Variants in CXADR observed in about 807,000 individuals in gnomAD.
CXADR encodes the protein coxsackievirus and adenovirus receptor.
A neutral mutation model predicts 40.3 loss-of-function variants in CXADR; 20 were observed. That is an observed-to-expected ratio of 0.50 (90% confidence interval 0.35 to 0.72). The LOEUF (loss-of-function observed/expected upper bound fraction) is 0.72. Among genes scored for constraint, CXADR ranks in the 30% least tolerant of loss-of-function variants. CXADR has a pLI of 0.01. For synonymous variants in CXADR, 150 were observed against 161.3 expected (o/e 0.93, Z 0.53); for missense variants, 332 against 449.1 (o/e 0.74, Z 2.36).
At chr21:17,570,107 CCT>C (rs1410215434), downstream of CXADR, 33 of 985,240 alleles carry the variant, frequency 3.3e-5, no homozygotes, top group Non-Finnish European at 3.5e-5. Flanking sequence ...CAGTTCTCTG[CCT>C]CATGGTGTGG....
intron 7 of CXADR, among the ~76,000 whole-genome samples, chr21:17,586,513 T>G (rs1376348960): frequency 6.6e-6 from 1 of 150,734 alleles, no homozygotes; most frequent in Non-Finnish European, 1.5e-5. Flanking sequence ...GTTGCCTAAG[T>G]TGGTCTCAAA....
the CXADR span, among the ~76,000 whole-genome samples, chr21:17,632,259 C>T: frequency 6.6e-6 from 1 of 152,148 alleles, no homozygotes; most frequent in African/African-American, 2.4e-5. Flanking sequence ...CACACTTCTC[C>T]CCAAGAGTTT....
the CXADR span, chr21:17,612,932 C>A: frequency 6.6e-6 from 1 of 151,978 alleles, no homozygotes; most frequent in African/African-American, 2.4e-5. Context: ...GCGCAGGGGG[C>A]TCGCGGCCCG....
the CXADR span, chr21:17,598,640 C>G: frequency 6.2e-7 from 1 of 1,613,998 alleles, no homozygotes; most frequent in African/African-American, 1.3e-5. Flanking sequence ...CTTGCGGCTG[C>G]AGTCACCGAA....
At chr21:17,578,747 T>C (rs1406571652) in intron 7 of CXADR, among the ~76,000 whole-genome samples, 1 of 152,152 alleles carries the variant, frequency 6.6e-6, no homozygotes, top group Non-Finnish European at 1.5e-5. Flanking sequence ...GAGGATTGCT[T>C]GAGCCCCAAG....
chr21:17,518,047 A>G (rs1367604077), intron 1 of CXADR, among the ~76,000 whole-genome samples: 2 of 152,326 alleles, frequency 1.3e-5, no homozygotes, highest in Admixed American at 1.3e-4. Flanking sequence ...TCAAACCACT[A>G]ATGGTAAAAA....
the CXADR span, among the ~76,000 whole-genome samples, chr21:17,622,557 T>G: frequency 6.6e-6 from 1 of 152,174 alleles, no homozygotes; most frequent in South Asian, 2.1e-4. Context: ...TTTTTGTCAG[T>G]GTTTTTATCC....
At chr21:17,545,445 G>T (rs2060883976) in intron 1 of CXADR, among the ~76,000 whole-genome samples, 2 of 151,912 alleles carry the variant, frequency 1.3e-5, no homozygotes, top group African/African-American at 4.8e-5. Context: ...TTAATTTTTT[G>T]AGACAGAGTC....
At chr21:17,556,924 T>C (rs546943593) in intron 3 of CXADR, among the ~76,000 whole-genome samples, 1 of 152,310 alleles carries the variant, frequency 6.6e-6, no homozygotes, top group East Asian at 1.9e-4. Context: ...TGGGAAACAA[T>C]TTGACAATTT....
intron 7 of CXADR, among the ~76,000 whole-genome samples, chr21:17,581,332 T>C (rs920813298): frequency 1.3e-5 from 2 of 152,276 alleles, no homozygotes; most frequent in South Asian, 2.1e-4. Context: ...AAGGAGCAAA[T>C]GAGTAAAGAA....
intron 1 of CXADR, among the ~76,000 whole-genome samples, chr21:17,545,072 G>GTTTTTTTTTTTTTTTTTT (rs869189508): frequency 1.8e-5 from 1 of 55,424 alleles, no homozygotes. Context: ...GCTCTAATGT[G>GTTTTTTTTTTTTTTTTTT]TTTTTTTTTT....
intron 1 of CXADR, chr21:17,542,895 CTT>C (rs1484940477): frequency 5.8e-6 from 1 of 172,668 alleles, no homozygotes; most frequent in Admixed American, 6.3e-5. Flanking sequence ...TGTCTTTTGT[CTT>C]ATGTAATTTG....
At chr21:17,631,907 G>A in the CXADR span, among the ~76,000 whole-genome samples, 3 of 152,120 alleles carry the variant, frequency 2.0e-5, no homozygotes, top group Non-Finnish European at 4.4e-5. Flanking sequence ...TATCTCCTGG[G>A]CTCAATAGAT....
chr21:17,625,854 G>A, the CXADR span, among the ~76,000 whole-genome samples: 1 of 152,104 alleles, frequency 6.6e-6, no homozygotes, highest in Non-Finnish European at 1.5e-5. Context: ...CCTCACCTTA[G>A]GATGTTAGCT....
the CXADR span, chr21:17,598,916 A>C: frequency 1.1e-6 from 1 of 936,470 alleles, no homozygotes. Context: ...ACATGCCATC[A>C]ATACAAGGCA....
chr21:17,561,536 C>T, intron 6 of CXADR, 60 bp downstream of exon 6: 1 of 1,433,980 alleles, frequency 7.0e-7, no homozygotes, highest in Non-Finnish European at 9.5e-7. Context: ...TTCTCTAAAG[C>T]ATTCGTTCTC....
downstream of CXADR, chr21:17,570,113 G>A (rs989504960): frequency 2.0e-6 from 2 of 985,258 alleles, no homozygotes; most frequent in Non-Finnish European, 2.4e-6. Context: ...TCTGCCTCAT[G>A]GTGTGGCTTT....
intron 1 of CXADR, among the ~76,000 whole-genome samples, chr21:17,538,143 AG>A (rs1186280623): frequency 1.3e-5 from 2 of 152,074 alleles, no homozygotes; most frequent in African/African-American, 4.8e-5. Context: ...CTGAGACCGT[AG>A]GCATGTGCCA....
intron 1 of CXADR, among the ~76,000 whole-genome samples, chr21:17,533,015 C>T (rs569313811): frequency 6.6e-6 from 1 of 152,028 alleles, no homozygotes; most frequent in Non-Finnish European, 1.5e-5. Flanking sequence ...CTGCTAATGC[C>T]TTTGAGATGT....
Sources: gnomAD v4.1 joint callset for allele counts (sites outside exome capture counted in the v4.1 genomes callset) on GRCh38, gnomAD v4.1.1 for gene constraint, MANE v1.5 for transcripts, NCBI Gene and HGNC (gene_info 2026-07-23, HGNC 2026-07-21) for gene names.